Variants in SLC25A29 observed in about 807,000 individuals in gnomAD.
The protein encoded by SLC25A29 is mitochondrial basic amino acids transporter.
SLC25A29 carries 13 observed loss-of-function variants against 10.0 expected under a neutral mutation model. The observed-to-expected ratio is 1.30, with a 90% CI of 0.85 to 2.07. SLC25A29 has a LOEUF of 2.07. SLC25A29 is among the 30% of genes most tolerant of loss of function. The probability of loss-of-function intolerance (pLI) is 0.00; values close to 1 mark genes in which losing one functional copy is unlikely to be tolerated. For synonymous variants in SLC25A29, 244 were observed against 221.1 expected (o/e 1.10, Z -0.92); for missense variants, 475 against 447.6 (o/e 1.06, Z -0.55).
At position 100,292,597 on chromosome 14, in the gene SLC25A29, C is replaced by G; in HGVS notation, c.598G>C (p.Gly200Arg). Residue 200 changes from glycine to arginine, a missense_variant, in exon 4 of 4, where the codon GGC (glycine) becomes CGC (arginine). Transcript: ENST00000359232. ...PKLLLAGGTSGIVSWLSTYPV... is the reference protein window; with the variant it reads ...PKLLLAGGTSRIVSWLSTYPV... ...TAGGTAGAGAGCCAGGACACGATGC[C>G]TGACGTACCGCCCGCCAACAGCAGC... The G allele has an allele frequency of 6.2e-7, 1 of 1,604,388 alleles. No individual in the cohort carries two copies. Among genetic ancestry groups the G allele is most frequent in the South Asian group, 1.1e-5 (1 of 89,880 alleles).
At chr14:100,298,493 T>G in intron 2 of SLC25A29, 2 of 370,952 alleles carry the variant, frequency 5.4e-6, no homozygotes, top group Non-Finnish European at 1.0e-5. Context: ...GAGATATGAG[T>G]TTTGGTTTTT....
chr14:100,293,192 C>T (rs1891888582), intron 3 of SLC25A29, 102 bp downstream of exon 3: 12 of 1,494,536 alleles, frequency 8.0e-6, no homozygotes, highest in South Asian at 6.1e-5. Context: ...TCCTGGTCGT[C>T]CTGACACCTT....
downstream of SLC25A29, among the ~76,000 whole-genome samples, chr14:100,288,864 C>T (rs780899909): frequency 1.5e-4 from 23 of 152,170 alleles, no homozygotes; most frequent in Non-Finnish European, 2.6e-4. Context: ...CAGAAAAATC[C>T]GTTCAAGTCC....
chr14:100,306,118 G>A, intron 1 of SLC25A29, 81 bp downstream of exon 1: 1 of 1,074,616 alleles, frequency 9.3e-7, no homozygotes, highest in Non-Finnish European at 1.2e-6. Flanking sequence ...GCGGGAAGCC[G>A]CGAGGCCAGG....
chr14:100,284,588 C>CAGG, the SLC25A29 span, among the ~76,000 whole-genome samples: 1 of 152,254 alleles, frequency 6.6e-6, no homozygotes, highest in Non-Finnish European at 1.5e-5. Flanking sequence ...TCCCTCCCCT[C>CAGG]CCTCTTGGAG....
intron 1 of SLC25A29, among the ~76,000 whole-genome samples, chr14:100,303,716 C>G (rs560056273): frequency 6.7e-6 from 1 of 150,088 alleles, no homozygotes; most frequent in South Asian, 2.2e-4. Context: ...CTCCCAACTC[C>G]AAAGCCTACT....
At chr14:100,288,097 T>G (rs1464510984), downstream of SLC25A29, among the ~76,000 whole-genome samples, 1 of 152,098 alleles carries the variant, frequency 6.6e-6, no homozygotes, top group Admixed American at 6.5e-5. Flanking sequence ...CAAGACAGTC[T>G]GGGGGCCAGG....
At chr14:100,290,017 C>T (rs1175063363), downstream of SLC25A29, among the ~76,000 whole-genome samples, 1 of 152,224 alleles carries the variant, frequency 6.6e-6, no homozygotes, top group African/African-American at 2.4e-5. Context: ...CCGCACCACT[C>T]CTCACTTCTG....
intron 1 of SLC25A29, among the ~76,000 whole-genome samples, chr14:100,301,234 C>T (rs531485323): frequency 1.9e-4 from 28 of 151,036 alleles, no homozygotes; most frequent in Middle Eastern, 3.5e-3. Context: ...TTGCTAGTGC[C>T]GTTGCGCGAT....
At chr14:100,303,034 C>G (rs1418996491) in intron 1 of SLC25A29, among the ~76,000 whole-genome samples, 1 of 152,174 alleles carries the variant, frequency 6.6e-6, no homozygotes, top group Non-Finnish European at 1.5e-5. Context: ...GAGCCTCTAA[C>G]ATTCACAGGT....
intron 1 of SLC25A29, chr14:100,299,149 C>G: frequency 7.3e-7 from 1 of 1,362,644 alleles, no homozygotes; most frequent in Non-Finnish European, 9.4e-7. Context: ...GGCTGCTGCT[C>G]TCCGCGGCTG....
chr14:100,298,777 C>T (rs1216327641), intron 2 of SLC25A29, 65 bp downstream of exon 2: 8 of 1,605,878 alleles, frequency 5.0e-6, no homozygotes, highest in Non-Finnish European at 5.1e-6. Flanking sequence ...CTTCCAGCCA[C>T]CCCAACCCTG....
At chr14:100,281,061 C>CAAAAAAAAA in the SLC25A29 span, 1 of 100,882 alleles carries the variant, frequency 9.9e-6, no homozygotes, top group African/African-American at 4.9e-5. Context: ...CTCCGTCTCC[C>CAAAAAAAAA]AAAAAAAAAA....
At chr14:100,304,592 C>T (rs1595375541) in intron 1 of SLC25A29, among the ~76,000 whole-genome samples, 1 of 151,800 alleles carries the variant, frequency 6.6e-6, no homozygotes, top group Non-Finnish European at 1.5e-5. Flanking sequence ...GCCTGTGCCC[C>T]AGTGCTACAG....
chr14:100,301,870 C>G (rs764399989), intron 1 of SLC25A29, among the ~76,000 whole-genome samples: 35 of 152,026 alleles, frequency 2.3e-4, no homozygotes, highest in Non-Finnish European at 3.2e-4. Context: ...GCCTCCCCCA[C>G]GACTCTCTGC....
rs978024956 is a variant in SLC25A29 at position 100,295,766 on chromosome 14, C to A, written c.79-2389G>T. On this transcript the variant is annotated intron_variant, in intron 2 of 3. Coordinates refer to ENST00000359232, the MANE Select transcript of SLC25A29 (RefSeq NM_001039355.3). ...ACATCACATCCAGGCGCGGAGCCCC[C>A]ACAGCCAGCCCCCACCCACACTCCC... The A allele has an allele frequency of 2.1e-5, 27 of 1,289,428 alleles. No individual in the cohort carries two copies. The African/African-American group carries it at 3.2e-4, about 15-fold the overall frequency. 79.9% of individuals were successfully genotyped at this position (1,289,428 alleles called of 1,614,324 possible).
intron 2 of SLC25A29, chr14:100,297,928 G>A (rs1892280206): frequency 6.6e-6 from 1 of 152,276 alleles, no homozygotes; most frequent in South Asian, 2.1e-4. Context: ...CAGGGACAGA[G>A]CTTTTTAAGG....
chr14:100,287,768 T>C (rs1891574406), downstream of SLC25A29, among the ~76,000 whole-genome samples: 1 of 151,772 alleles, frequency 6.6e-6, no homozygotes, highest in Non-Finnish European at 1.5e-5. Flanking sequence ...ATCCTGTCAC[T>C]CCCCTGGGTA....
At chr14:100,290,823 C>T (rs769537250), downstream of SLC25A29, among the ~76,000 whole-genome samples, 6 of 152,360 alleles carry the variant, frequency 3.9e-5, no homozygotes, top group East Asian at 3.9e-4. Flanking sequence ...CCTGCTGCCC[C>T]GCCCGCCAGT....
Sources: allele counts gnomAD v4.1 joint callset (sites outside exome capture counted in the v4.1 genomes callset), GRCh38; gene constraint gnomAD v4.1.1; transcripts MANE v1.5; gene names NCBI Gene and HGNC (gene_info 2026-07-23, HGNC 2026-07-21).